SHISA9: variants seen among roughly 807,000 people sequenced by gnomAD.
SHISA9 encodes shisa family member 9.
In SHISA9, 13 loss-of-function variants were observed where a neutral mutation model predicts 38.0. The ratio of observed to expected loss-of-function variants is 0.34; its 90% CI spans 0.22 to 0.54. The LOEUF (loss-of-function observed/expected upper bound fraction) is 0.54. SHISA9 is among the 20% of genes least tolerant of loss of function. SHISA9 has a pLI of 0.91. For synonymous variants in SHISA9, 275 were observed against 242.0 expected (o/e 1.14, Z -1.27); for missense variants, 538 against 575.8 (o/e 0.93, Z 0.67).
At chr16:13,327,716 G>A in the SHISA9 span, among the ~76,000 whole-genome samples, 1 of 151,962 alleles carries the variant, frequency 6.6e-6, no homozygotes, top group South Asian at 2.1e-4. Flanking sequence ...GAGTGCAGTG[G>A]CACGATCTCT....
At chr16:13,322,555 A>T in the SHISA9 span, among the ~76,000 whole-genome samples, 29 of 152,200 alleles carry the variant, frequency 1.9e-4, no homozygotes, top group African/African-American at 7.0e-4. Context: ...TTTGAAGGTT[A>T]GCAGGGGTGC....
chr16:13,256,670 G>A, the SHISA9 span, among the ~76,000 whole-genome samples: 4 of 152,206 alleles, frequency 2.6e-5, no homozygotes, highest in South Asian at 2.1e-4. Flanking sequence ...AATTCCCATT[G>A]CCTAGAACTG....
chr16:13,395,966 G>A, the SHISA9 span, among the ~76,000 whole-genome samples: 1 of 151,750 alleles, frequency 6.6e-6, no homozygotes, highest in African/African-American at 2.4e-5. Context: ...ATTATATTCA[G>A]AAAAAAAATT....
intron 2 of SHISA9, among the ~76,000 whole-genome samples, chr16:13,036,208 T>A (rs1017977127): frequency 1.3e-5 from 2 of 152,236 alleles, no homozygotes. Context: ...AGTAGCTTTA[T>A]TTGTAATAGC....
chr16:13,252,298 C>T, the SHISA9 span, among the ~76,000 whole-genome samples: 1 of 152,136 alleles, frequency 6.6e-6, no homozygotes, highest in Non-Finnish European at 1.5e-5. Context: ...AATGTCGTAT[C>T]CCTCCTCCAG....
intron 2 of SHISA9, among the ~76,000 whole-genome samples, chr16:12,987,830 T>C (rs1314997755): frequency 2.0e-5 from 3 of 152,210 alleles, no homozygotes; most frequent in Non-Finnish European, 4.4e-5. Flanking sequence ...ATGCTAAACA[T>C]TTTGTGTAAT....
At chr16:12,954,623 A>G (rs1258811047) in intron 2 of SHISA9, among the ~76,000 whole-genome samples, 1 of 152,230 alleles carries the variant, frequency 6.6e-6, no homozygotes, top group African/African-American at 2.4e-5. Flanking sequence ...TCTTAGGAAC[A>G]TATTAAGGGC....
At chr16:13,368,616 G>A in the SHISA9 span, among the ~76,000 whole-genome samples, 1 of 151,976 alleles carries the variant, frequency 6.6e-6, no homozygotes. Context: ...GTAAAATGAT[G>A]GGGTGTGCTG....
At chr16:13,341,386 G>C in the SHISA9 span, among the ~76,000 whole-genome samples, 2 of 152,028 alleles carry the variant, frequency 1.3e-5, no homozygotes, top group Non-Finnish European at 2.9e-5. Flanking sequence ...TGTATGAGTG[G>C]ATTCCTCTTC....
the SHISA9 span, among the ~76,000 whole-genome samples, chr16:13,543,750 G>A: frequency 1.3e-5 from 2 of 152,160 alleles, no homozygotes; most frequent in African/African-American, 2.4e-5. Flanking sequence ...AAATGCTGCT[G>A]CAGAGCCCAC....
In SHISA9 at chr16:12,906,051, G is replaced by A. The variant is rs149185064; in HGVS notation, c.563+3424G>A. 3.9e-5 allele frequency among the ~76,000 whole-genome samples: 6 copies of A among 152,266 alleles called. No homozygotes were observed. In the East Asian group the frequency reaches 1.2e-3, roughly 29 times the overall value. ...GGCAACTGACCCAGTAGCCTTTGCC[G>A]GATTGTGCCAAGGGTTGCTCCAGTG... On this transcript the variant is annotated intron_variant, in intron 1 of 4. Coordinates refer to ENST00000558583, the MANE Select transcript of SHISA9 (RefSeq NM_001145204.3).
chr16:13,474,807 G>T, the SHISA9 span, among the ~76,000 whole-genome samples: 13 of 152,316 alleles, frequency 8.5e-5, no homozygotes, highest in South Asian at 2.7e-3. Flanking sequence ...GGGCATTTCA[G>T]GCAGGGGTTA....
intron 2 of SHISA9, among the ~76,000 whole-genome samples, chr16:13,184,743 T>C (rs2050806263): frequency 6.6e-6 from 1 of 152,232 alleles, no homozygotes; most frequent in South Asian, 2.1e-4. Flanking sequence ...TTCTCTAACT[T>C]AGCATGATGC....
chr16:13,227,977 G>T (rs1321848851), intron 4 of SHISA9, among the ~76,000 whole-genome samples: 1 of 152,172 alleles, frequency 6.6e-6, no homozygotes, highest in Non-Finnish European at 1.5e-5. Flanking sequence ...CTTAAGGCAG[G>T]GAATAGGTAA....
rs73520670 is a variant in SHISA9 at position 13,105,945 on chromosome 16, T to A, written c.692-97449T>A. Among the ~76,000 whole-genome samples the A allele has an allele frequency of 7.7e-3, 1,179 of 152,316 alleles. 13 individuals carry two copies. The highest frequency in any genetic ancestry group is 0.027 in the African/African-American group (1,124 of 41,576). On this transcript the variant is annotated intron_variant, in intron 2 of 4. Transcript: ENST00000558583. ...ATCATAGACACACTTTACTCTTGGA[T>A]CTCACCAAGGGTTGACTTCTCCATG... is the stretch of plus-strand genomic sequence containing the variant.
the SHISA9 span, among the ~76,000 whole-genome samples, chr16:13,328,161 C>G: frequency 6.6e-6 from 1 of 152,152 alleles, no homozygotes; most frequent in African/African-American, 2.4e-5. Flanking sequence ...GCAGGGGCCT[C>G]TCACCATCAC....
chr16:13,557,006 C>G, the SHISA9 span, among the ~76,000 whole-genome samples: 1 of 152,176 alleles, frequency 6.6e-6, no homozygotes, highest in Non-Finnish European at 1.5e-5. Context: ...CCCTCCAGTA[C>G]TGAGGGGTGA....
At chr16:13,534,100 G>T in the SHISA9 span, among the ~76,000 whole-genome samples, 3 of 151,894 alleles carry the variant, frequency 2.0e-5, no homozygotes, top group East Asian at 5.9e-4. Flanking sequence ...TCATTTTTAA[G>T]AACACTTCCC....
chr16:12,955,384 G>GGCAGATGT (rs1168548841), intron 2 of SHISA9, among the ~76,000 whole-genome samples: 4 of 152,100 alleles, frequency 2.6e-5, no homozygotes, highest in African/African-American at 9.7e-5. Context: ...TCAGTCTCTG[G>GGCAGATGT]GCAGATGTGC....
Sources: allele counts gnomAD v4.1 joint callset (sites outside exome capture counted in the v4.1 genomes callset), GRCh38; gene constraint gnomAD v4.1.1; transcripts MANE v1.5; gene names NCBI Gene and HGNC (gene_info 2026-07-23, HGNC 2026-07-21).